LYRM9: variants seen among roughly 807,000 people sequenced by gnomAD.
LYRM9 encodes the protein LYR motif containing 9, also known as LYR motif-containing protein 9.
A neutral mutation model predicts 12.6 loss-of-function variants in LYRM9; 14 were observed. That is an observed-to-expected ratio of 1.11 (90% confidence interval 0.73 to 1.73). The LOEUF is 1.73. Ranked by LOEUF, LYRM9 falls within the 40% of genes most tolerant of loss-of-function variation. LYRM9 has a pLI of 0.00. For missense variants in LYRM9, 94 were observed against 95.0 expected, an observed-to-expected ratio of 0.99 and a Z score of 0.04; for synonymous variants, 42 against 35.1, an observed-to-expected ratio of 1.20 and a Z score of -0.69.
At chr17:27,882,829 TC>T in intron 1 of LYRM9, 117 bp from the exon 2 acceptor site, 1 of 1,144,312 alleles carries the variant, frequency 8.7e-7, no homozygotes, top group Non-Finnish European at 1.2e-6. Context: ...GCCCCTCCTG[TC>T]CCATCCCATG....
intron 1 of LYRM9, among the ~76,000 whole-genome samples, chr17:27,891,105 C>A (rs1192608381): frequency 6.6e-6 from 1 of 152,134 alleles, no homozygotes; most frequent in Non-Finnish European, 1.5e-5. Context: ...TGGTGCCACC[C>A]AAGAACACTT....
At chr17:27,885,477 G>A (rs1266128568) in intron 1 of LYRM9, among the ~76,000 whole-genome samples, 1 of 152,106 alleles carries the variant, frequency 6.6e-6, no homozygotes, top group Non-Finnish European at 1.5e-5. Context: ...TTGGCAGGCT[G>A]CGATGGGTGG....
chr17:27,885,700 T>TC (rs1280852670), intron 1 of LYRM9, among the ~76,000 whole-genome samples: 4 of 54,766 alleles, frequency 7.3e-5, no homozygotes, highest in African/African-American at 3.0e-4. Flanking sequence ...AAACTCTGTC[T>TC]CAAAAAAAAA....
At chr17:27,888,023 C>T (rs1032862962) in intron 1 of LYRM9, among the ~76,000 whole-genome samples, 3 of 152,148 alleles carry the variant, frequency 2.0e-5, no homozygotes, top group South Asian at 2.1e-4. Context: ...TTTACTCCAT[C>T]GAACAATTTA....
chr17:27,892,325 A>G (rs966203870), intron 1 of LYRM9: 6 of 438,850 alleles, frequency 1.4e-5, no homozygotes, highest in African/African-American at 8.2e-5. Flanking sequence ...TTAGTTCAAC[A>G]CCTGTGAAAT....
At position 27,882,587 on chromosome 17, in the gene LYRM9, G is replaced by C; in HGVS notation, c.108C>G (p.Tyr36Ter). The change falls in exon 2 of 4, where the codon TAC (tyrosine) becomes TAG (stop). Residue 36 changes from tyrosine to a stop codon, truncating the protein, a stop_gained. Transcript: ENST00000379102. LOFTEE classifies it high-confidence loss of function. The stretch of plus-strand genomic sequence containing the variant: ...CTCGCACCTGCCTGACAGCATGCTT[G>C]TAATGCTGCTGGATGCCCTTGGTCG... Reference protein sequence around the residue: ...QLPTKGIQQHYKHAVRQSFRV... With the variant: ...QLPTKGIQQH The C allele has an allele frequency of 1.3e-6, 2 of 1,595,480 alleles. No individual in the cohort carries two copies. The highest frequency in any genetic ancestry group is 1.7e-6 in the Non-Finnish European group (2 of 1,172,070).
intron 2 of LYRM9, among the ~76,000 whole-genome samples, chr17:27,881,887 A>C (rs1470639942): frequency 1.3e-5 from 2 of 151,970 alleles, no homozygotes; most frequent in African/African-American, 4.8e-5. Context: ...AGCTCATTGC[A>C]GCCTCGACCT....
At chr17:27,888,468 T>C (rs1905310024) in intron 1 of LYRM9, among the ~76,000 whole-genome samples, 1 of 152,228 alleles carries the variant, frequency 6.6e-6, no homozygotes, top group Non-Finnish European at 1.5e-5. Flanking sequence ...TGTGAAACGA[T>C]AGTGTGAATT....
chr17:27,891,425 G>GT (rs749956416), intron 1 of LYRM9, among the ~76,000 whole-genome samples: 13 of 152,296 alleles, frequency 8.5e-5, no homozygotes, highest in Non-Finnish European at 1.8e-4. Flanking sequence ...TAGGACTGTT[G>GT]TAAGGATGAA....
At chr17:27,882,974 C>G in intron 1 of LYRM9, 1 of 559,156 alleles carries the variant, frequency 1.8e-6, no homozygotes, top group Non-Finnish European at 3.5e-6. Flanking sequence ...TGGAACTCAA[C>G]TTCAAGTGGT....
intron 1 of LYRM9, among the ~76,000 whole-genome samples, chr17:27,884,961 T>A (rs1414117332): frequency 6.6e-6 from 1 of 152,166 alleles, no homozygotes; most frequent in Non-Finnish European, 1.5e-5. Flanking sequence ...TTACATCCCA[T>A]TATCTCCTCG....
At chr17:27,892,541 T>A (rs904926082) in intron 1 of LYRM9, 2 of 396,960 alleles carry the variant, frequency 5.0e-6, no homozygotes, top group African/African-American at 4.3e-5. Context: ...ACAAACCCAG[T>A]CACAAGGGGC....
At position 27,890,292 on chromosome 17, in the gene LYRM9, A is replaced by G. The variant is rs568475121; in HGVS notation, c.-19+3025T>C. On this transcript the variant is annotated intron_variant, in intron 1 of 3. Coordinates refer to ENST00000379102, the MANE Select transcript of LYRM9 (RefSeq NM_001076680.3). ...AGCACTTATAAAGGCACTTGACTGC[A>G]CTATTATCCAGTACTCCTCAATCTT... Among the ~76,000 whole-genome samples the G allele has an allele frequency of 2.0e-5, 3 of 152,270 alleles. No individual in the cohort carries two copies. In the South Asian group the frequency reaches 6.2e-4, roughly 32 times the overall value.
chr17:27,880,679 G>A lies in LYRM9; in HGVS notation c.127-313C>T, dbSNP rs951721616. On this transcript the variant is annotated intron_variant, in intron 2 of 3. Coordinates refer to ENST00000379102, the MANE Select transcript of LYRM9 (RefSeq NM_001076680.3). ...GGCCCAAAGGCTATCAGGCAGTAGA[G>A]TCCAAGGGGAAACTTCCATCTCTCT... 1.3e-4 allele frequency: 52 copies of A among 385,452 alleles called. No homozygotes were observed. In the Admixed American group the frequency reaches 2.1e-3, roughly 15 times the overall value. 23.9% of individuals were successfully genotyped at this position (385,452 alleles called of 1,614,324 possible).
Position 27,886,298 on chromosome 17 carries a change from T to A in LYRM9, c.-18-3586A>T, listed in dbSNP as rs1905229413. 6.6e-6 allele frequency among the ~76,000 whole-genome samples: 1 copy of A among 152,230 alleles called. No homozygotes were observed. On this transcript the variant is annotated intron_variant, in intron 1 of 3. Coordinates refer to ENST00000379102, the MANE Select transcript of LYRM9 (RefSeq NM_001076680.3). This position sits in a 1 kb window ranked among gnomAD's most constrained non-coding sequence, Gnocchi z 4.8. ...CAGATTATTTTCAGCTCAATTATAA[T>A]ACTTAGTCATTCTCAGTAATAACTA...
rs1462951435 is a variant in LYRM9 at position 27,886,928 on chromosome 17, G to A, written c.-18-4216C>T. Among the ~76,000 whole-genome samples, 1 of 150,268 alleles carries A rather than the reference G, an allele frequency of 6.7e-6. No individual in the cohort carries two copies. The highest frequency in any genetic ancestry group is 1.5e-5 in the Non-Finnish European group (1 of 67,576). On this transcript the variant is annotated intron_variant, in intron 1 of 3. Coordinates refer to ENST00000379102, the MANE Select transcript of LYRM9 (RefSeq NM_001076680.3). The surrounding 1 kb of genome is among the most constrained non-coding windows in gnomAD (Gnocchi z 4.8). ...CCCAAAGTGCTAGGATTACAGGCGTGAGCCACCACACCCGGCCCCATGCCA... is the reference window on the plus strand; with the variant it reads ...CCCAAAGTGCTAGGATTACAGGCGTAAGCCACCACACCCGGCCCCATGCCA...
intron 1 of LYRM9, among the ~76,000 whole-genome samples, chr17:27,885,697 G>A (rs906622903): frequency 2.2e-5 from 2 of 91,648 alleles, no homozygotes; most frequent in Non-Finnish European, 3.8e-5. Context: ...GTGAAACTCT[G>A]TCTCAAAAAA....
intron 1 of LYRM9, among the ~76,000 whole-genome samples, chr17:27,885,759 G>A (rs1905212323): frequency 6.9e-6 from 1 of 145,788 alleles, no homozygotes; most frequent in African/African-American, 2.6e-5. Flanking sequence ...CCATCTACCT[G>A]AAGGAAGTCC....
intron 1 of LYRM9, among the ~76,000 whole-genome samples, chr17:27,890,847 C>T (rs1291172604): frequency 2.0e-5 from 3 of 152,052 alleles, no homozygotes; most frequent in East Asian, 1.9e-4. Context: ...AGTGGTTTTG[C>T]TTCCCACCCC....
Sources: allele counts gnomAD v4.1 joint callset (sites outside exome capture counted in the v4.1 genomes callset), GRCh38; gene constraint gnomAD v4.1.1; non-coding constraint Gnocchi (gnomAD v3.1); transcripts MANE v1.5; gene names NCBI Gene and HGNC (gene_info 2026-07-23, HGNC 2026-07-21).